The following TRPM5 variants were observed in gnomAD, a reference collection of about 807,000 sequenced individuals.
TRPM5 encodes transient receptor potential cation channel subfamily M member 5, also known as MLSN1 and TRP-related.
A neutral mutation model predicts 124.9 loss-of-function variants in TRPM5; 121 were observed. The ratio of observed to expected loss-of-function variants is 0.97; its 90% CI spans 0.84 to 1.13. The LOEUF (loss-of-function observed/expected upper bound fraction) is 1.13, where lower values mean the gene tolerates loss of function less well. TRPM5 is among the 50% of genes most tolerant of loss of function. The pLI is 0.00. For missense variants in TRPM5, 1,643 were observed against 1,589.1 expected (o/e 1.03, Z -0.58); for synonymous variants, 781 against 700.5 (o/e 1.11, Z -1.81).
chr11:2,418,461 G>A, intron 5 of TRPM5, 66 bp downstream of exon 10: 8 of 1,561,502 alleles, frequency 5.1e-6, no homozygotes, highest in Non-Finnish European at 6.9e-6. Flanking sequence ...TCCCAGGGGT[G>A]CCCAGAACCC....
the TRPM5 span, among the ~76,000 whole-genome samples, chr11:2,430,710 T>TTGG: frequency 1.1e-5 from 1 of 91,642 alleles, no homozygotes; most frequent in Non-Finnish European, 2.4e-5. Flanking sequence ...GGTGTTGGTG[T>TTGG]TGGTGGTGGT....
chr11:2,437,343 G>A, the TRPM5 span, among the ~76,000 whole-genome samples: 1 of 152,164 alleles, frequency 6.6e-6, no homozygotes. The surrounding 1 kb of genome is among the most constrained non-coding windows in gnomAD (Gnocchi z 5.6). Context: ...TGATTTCACA[G>A]GTGAGAAAAT....
At chr11:2,432,318 G>T in the TRPM5 span, among the ~76,000 whole-genome samples, 1 of 152,198 alleles carries the variant, frequency 6.6e-6, no homozygotes, top group Non-Finnish European at 1.5e-5. Context: ...CAGGCTTTAC[G>T]TTGGAACTTC....
the TRPM5 span, among the ~76,000 whole-genome samples, chr11:2,442,797 T>C: frequency 6.6e-6 from 1 of 152,182 alleles, no homozygotes; most frequent in African/African-American, 2.4e-5. This position sits in a 1 kb window ranked among gnomAD's most constrained non-coding sequence, Gnocchi z 5.9. Flanking sequence ...GTACTTTTCA[T>C]TTGCATTTTT....
chr11:2,431,759 C>G, the TRPM5 span, among the ~76,000 whole-genome samples: 13 of 152,266 alleles, frequency 8.5e-5, no homozygotes, highest in African/African-American at 3.1e-4. Context: ...TCACCCTAGA[C>G]CACATCAGCA....
intron 18 of TRPM5, chr11:2,410,656 AC>A: frequency 2.2e-6 from 1 of 450,036 alleles, no homozygotes; most frequent in Non-Finnish European, 4.5e-6. Flanking sequence ...AGCGGCTCTG[AC>A]CCCCGCCCCC....
chr11:2,427,494 G>A (rs116482094), upstream of TRPM5, among the ~76,000 whole-genome samples: 1,798 of 152,318 alleles, frequency 0.012, 33 homozygotes, highest in South Asian at 0.039. Context: ...CTAGGGAGCT[G>A]GCCATGAACC....
upstream of TRPM5, among the ~76,000 whole-genome samples, chr11:2,424,613 G>A (rs1299431878): frequency 1.3e-5 from 2 of 152,222 alleles, no homozygotes; most frequent in Non-Finnish European, 2.9e-5. Flanking sequence ...GGGGAGGGGT[G>A]AAGGCAGTGG....
chr11:2,443,004 C>A, the TRPM5 span, among the ~76,000 whole-genome samples: 2 of 152,140 alleles, frequency 1.3e-5, no homozygotes, highest in Non-Finnish European at 2.9e-5. This position sits in a 1 kb window ranked among gnomAD's most constrained non-coding sequence, Gnocchi z 5.0. Context: ...CCCATTTGGT[C>A]ATTTGTCTCC....
intron 18 of TRPM5, among the ~76,000 whole-genome samples, chr11:2,410,173 T>C (rs962973924): frequency 6.6e-6 from 1 of 152,044 alleles, no homozygotes; most frequent in Non-Finnish European, 1.5e-5. Context: ...AACACCAAAA[T>C]GTCAGGAGGG....
chr11:2,406,897 T>TG, intron 20 of TRPM5, 104 bp from the exon 26 acceptor site: 1 of 1,487,964 alleles, frequency 6.7e-7, no homozygotes, highest in Non-Finnish European at 9.0e-7. Flanking sequence ...AAGGAGTGAG[T>TG]GGGGCCCAGC....
chr11:2,414,740 C>T, exon 11 of TRPM5: 1 of 1,545,526 alleles, frequency 6.5e-7, no homozygotes, highest in Middle Eastern at 1.8e-4. Flanking sequence ...CGTATTTCGC[C>T]TCGCGCGTGG....
At chr11:2,407,407 GC>G in intron 19 of TRPM5, 107 bp from the exon 25 acceptor site, 1 of 1,094,080 alleles carries the variant, frequency 9.1e-7, no homozygotes, top group Non-Finnish European at 1.3e-6. Context: ...TGAAACTGAG[GC>G]CCAGCACTGC....
intron 12 of TRPM5, 52 bp downstream of exon 17, chr11:2,414,009 G>GGGGGGGGGCCCCCCCCCCCCCCCCCC: frequency 9.8e-7 from 1 of 1,023,734 alleles, no homozygotes. Context: ...GGCCCAGCTC[G>GGGGGGGGGCCCCCCCCCCCCCCCCCC]CCCGCCCACC....
At chr11:2,414,262 C>T (rs1040261400) in intron 11 of TRPM5, 56 bp from the exon 17 acceptor site, 39 of 1,553,008 alleles carry the variant, frequency 2.5e-5, no homozygotes, top group African/African-American at 1.9e-4. Context: ...GCCCGGCCCC[C>T]GACGCCCCTC....
the TRPM5 span, among the ~76,000 whole-genome samples, chr11:2,442,172 T>C: frequency 6.6e-6 from 1 of 152,290 alleles, no homozygotes; most frequent in East Asian, 1.9e-4. The surrounding 1 kb of genome is among the most constrained non-coding windows in gnomAD (Gnocchi z 5.9). Context: ...GCTCAAATTG[T>C]CCCATTGTTG....
chr11:2,409,444 A>G (rs976039141), intron 18 of TRPM5, among the ~76,000 whole-genome samples: 3 of 152,188 alleles, frequency 2.0e-5, no homozygotes, highest in Non-Finnish European at 2.9e-5. Flanking sequence ...CGGGCTGGAA[A>G]TTAAATTGTC....
upstream of TRPM5, among the ~76,000 whole-genome samples, chr11:2,427,081 GCAGCCCCTT>G (rs2133542518): frequency 6.6e-6 from 1 of 152,330 alleles, no homozygotes; most frequent in East Asian, 1.9e-4. Flanking sequence ...CCAGCACTGG[GCAGCCCCTT>G]CCAGAATGCC....
chr11:2,440,564 C>G, the TRPM5 span, among the ~76,000 whole-genome samples: 291 of 152,286 alleles, frequency 1.9e-3, 6 homozygotes, highest in South Asian at 0.019. This position sits in a 1 kb window ranked among gnomAD's most constrained non-coding sequence, Gnocchi z 5.2. Context: ...TGCTGAAGGG[C>G]CTGCTCCAGG....
Sources: allele counts gnomAD v4.1 joint callset (sites outside exome capture counted in the v4.1 genomes callset), GRCh38; gene constraint gnomAD v4.1.1; non-coding constraint Gnocchi (gnomAD v3.1); transcripts MANE v1.5; gene names NCBI Gene and HGNC (gene_info 2026-07-23, HGNC 2026-07-21).